TMPRSS12: variants seen among roughly 807,000 people sequenced by gnomAD.
TMPRSS12 encodes transmembrane protease serine 12.
TMPRSS12 carries 25 observed loss-of-function variants against 26.0 expected under a neutral mutation model. The observed-to-expected ratio is 0.96, with a 90% CI of 0.70 to 1.34. The LOEUF is 1.34. TMPRSS12 is among the 40% of genes most tolerant of loss of function. The pLI is 0.00. For synonymous variants in TMPRSS12, 150 were observed against 161.7 expected (o/e 0.93, Z 0.55); for missense variants, 441 against 440.1 (o/e 1.00, Z -0.02).
Position 50,887,382 on chromosome 12 carries a change from C to T in TMPRSS12, c.916C>T (p.Pro306Ser). ...AGGTTTTCCTGGTGTCTATATTGGG[C>T]CATCCTTCTACCAAAAGTGGCTGAC... Reference protein sequence around the residue: ...RRGFPGVYIGPSFYQKWLTEH... With the variant: ...RRGFPGVYIGSSFYQKWLTEH... The change falls in exon 5 of 5, where the codon CCA becomes TCA. Residue 306 changes from proline (P) to serine (S), a missense_variant. Physicochemically the swap from Pro to Ser is moderately conservative, Grantham distance 74. Coordinates refer to ENST00000398458, the MANE Select transcript of TMPRSS12 (RefSeq NM_182559.3). 1 of 1,613,874 alleles carries T rather than the reference C, an allele frequency of 6.2e-7. No homozygotes were observed. The highest frequency in any genetic ancestry group is 8.5e-7 in the Non-Finnish European group (1 of 1,179,852).
chr12:50,864,947 C>T (rs1416566888), intron 3 of TMPRSS12, among the ~76,000 whole-genome samples: 4 of 152,154 alleles, frequency 2.6e-5, no homozygotes, highest in Non-Finnish European at 5.9e-5. Context: ...GTATGAGCCA[C>T]AGGGCCCGGC....
At chr12:50,858,200 G>A (rs548174605) in intron 2 of TMPRSS12, among the ~76,000 whole-genome samples, 2 of 152,070 alleles carry the variant, frequency 1.3e-5, no homozygotes, top group East Asian at 3.9e-4. Flanking sequence ...ATTCCAGTAA[G>A]TTTCAAAAAA....
intron 3 of TMPRSS12, among the ~76,000 whole-genome samples, chr12:50,865,978 T>C: frequency 6.6e-6 from 1 of 152,052 alleles, no homozygotes; most frequent in South Asian, 2.1e-4. Flanking sequence ...AGATTGCAGC[T>C]CCAACATGGA....
Position 50,887,460 on chromosome 12 carries a change from C to A in TMPRSS12, c.994C>A (p.Arg332Ser). 2 of 1,613,878 alleles carry A rather than the reference C, an allele frequency of 1.2e-6. No individual in the cohort carries two copies. Among genetic ancestry groups the A allele is most frequent in the Non-Finnish European group, 1.7e-6 (2 of 1,179,858 alleles). ...AGGCATACTTACTATAAATATTTTACGTGGCCAGATCCTCATAGCTTTATG... is the reference window on the plus strand; with the variant it reads ...AGGCATACTTACTATAAATATTTTAAGTGGCCAGATCCTCATAGCTTTATG... ...TQGILTINIL[R>S]GQILIALCFV... Residue 332 changes from arginine to serine, a missense_variant, in exon 5 of 5, where the codon CGT becomes AGT. Arg to Ser is a moderately radical substitution (Grantham distance 110). Coordinates refer to ENST00000398458, the MANE Select transcript of TMPRSS12 (RefSeq NM_182559.3).
At chr12:50,871,423 G>A (rs192209300) in intron 3 of TMPRSS12, among the ~76,000 whole-genome samples, 16 of 152,180 alleles carry the variant, frequency 1.1e-4, no homozygotes, top group South Asian at 2.1e-4. Flanking sequence ...GATTCTTGTC[G>A]CTCACTTTGT....
chr12:50,854,039 C>A (rs1265572310), intron 2 of TMPRSS12, among the ~76,000 whole-genome samples: 3 of 152,038 alleles, frequency 2.0e-5, no homozygotes, highest in African/African-American at 7.2e-5. Context: ...AAATTTCAGG[C>A]CAATATTCCT....
chr12:50,860,703 G>A (rs1375356767), intron 3 of TMPRSS12, among the ~76,000 whole-genome samples: 1 of 152,058 alleles, frequency 6.6e-6, no homozygotes, highest in Non-Finnish European at 1.5e-5. Context: ...TTTACCTCCT[G>A]GTCTCAAGTA....
intron 2 of TMPRSS12, among the ~76,000 whole-genome samples, chr12:50,845,464 T>A (rs17125002): frequency 0.15 from 22,554 of 152,190 alleles, 2,886 homozygotes; most frequent in African/African-American, 0.35. Flanking sequence ...GTTTCAGCAA[T>A]CACCATGTGC....
At chr12:50,881,046 A>G (rs1358361258) in intron 3 of TMPRSS12, among the ~76,000 whole-genome samples, 1 of 137,820 alleles carries the variant, frequency 7.3e-6, no homozygotes, top group African/African-American at 2.8e-5. Context: ...CCATGGCACA[A>G]TCTCAGCTCA....
At position 50,843,017 on chromosome 12, in the gene TMPRSS12, T is replaced by C. The variant is rs1319470819; in HGVS notation, c.53T>C (p.Leu18Ser). Reference protein sequence around the residue: ...VALLFVGSSHLYSDHYSPSGR... With the variant: ...VALLFVGSSHSYSDHYSPSGR... ...CTGTTGTTTGTGGGGAGCTCTCACT[T>C]ATACTCAGACCACTACTCGCCCTCT... The change falls in exon 1 of 5, where the codon TTA (leucine) becomes TCA (serine). Residue 18 changes from leucine (L) to serine (S), a missense_variant. Physicochemically the swap from Leu to Ser is moderately radical, Grantham distance 145. Coordinates refer to ENST00000398458, the MANE Select transcript of TMPRSS12 (RefSeq NM_182559.3). 2 of 1,607,532 alleles carry C rather than the reference T, an allele frequency of 1.2e-6. No individual in the cohort carries two copies. Among genetic ancestry groups the C allele is most frequent in the Admixed American group, 1.7e-5 (1 of 58,970 alleles).
intron 2 of TMPRSS12, among the ~76,000 whole-genome samples, chr12:50,849,544 C>T (rs1937805368): frequency 1.3e-5 from 2 of 152,168 alleles, no homozygotes; most frequent in Middle Eastern, 3.4e-3. Context: ...AACCCCTGCC[C>T]CTGCATCCAG....
At chr12:50,877,562 C>G (rs977045429) in intron 3 of TMPRSS12, among the ~76,000 whole-genome samples, 6 of 152,138 alleles carry the variant, frequency 3.9e-5, no homozygotes, top group Admixed American at 1.3e-4. Context: ...TATCTGAAAA[C>G]AAAATTTAAG....
chr12:50,877,073 G>A (rs1278432340), intron 3 of TMPRSS12, among the ~76,000 whole-genome samples: 1 of 152,008 alleles, frequency 6.6e-6, no homozygotes, highest in Non-Finnish European at 1.5e-5. Context: ...GGAGGGAGGG[G>A]CCAAGGGCTA....
intron 2 of TMPRSS12, among the ~76,000 whole-genome samples, chr12:50,847,101 C>T (rs1427414972): frequency 2.0e-5 from 3 of 149,006 alleles, no homozygotes; most frequent in Non-Finnish European, 4.4e-5. Flanking sequence ...CTCTGTTGCC[C>T]AGGCTGGAGT....
At chr12:50,870,338 T>TAA (rs59049023) in intron 3 of TMPRSS12, among the ~76,000 whole-genome samples, 1,705 of 149,530 alleles carry the variant, frequency 0.011, 26 homozygotes, top group African/African-American at 0.034. Context: ...TACACAGAAT[T>TAA]AAAAAAAAAA....
intron 3 of TMPRSS12, among the ~76,000 whole-genome samples, chr12:50,860,201 T>C (rs1220587279): frequency 6.6e-6 from 1 of 152,188 alleles, no homozygotes; most frequent in African/African-American, 2.4e-5. Flanking sequence ...TGAAGAATCA[T>C]ATTTAGTTTC....
chr12:50,851,576 C>G (rs1051717469), intron 2 of TMPRSS12, among the ~76,000 whole-genome samples: 10 of 152,144 alleles, frequency 6.6e-5, no homozygotes, highest in Non-Finnish European at 1.5e-4. Context: ...AACTCATTGA[C>G]ATCCCTAAAA....
intron 2 of TMPRSS12, among the ~76,000 whole-genome samples, chr12:50,849,741 C>A (rs940897313): frequency 6.6e-5 from 10 of 151,192 alleles, no homozygotes; most frequent in South Asian, 2.1e-4. Flanking sequence ...AAAAAAAAGA[C>A]AAAAATAATT....
chr12:50,860,354 G>A (rs1376788918), intron 3 of TMPRSS12, among the ~76,000 whole-genome samples: 1 of 152,144 alleles, frequency 6.6e-6, no homozygotes, highest in East Asian at 1.9e-4. Context: ...GGTAATAAGA[G>A]CTACCACCAT....
Sources: gnomAD v4.1 joint callset for allele counts (sites outside exome capture counted in the v4.1 genomes callset) on GRCh38, gnomAD v4.1.1 for gene constraint, MANE v1.5 for transcripts, NCBI Gene and HGNC (gene_info 2026-07-23, HGNC 2026-07-21) for gene names.